SLC6A11: variants seen among roughly 807,000 people sequenced by gnomAD.
SLC6A11 encodes sodium- and chloride-dependent GABA transporter 3.
Under a neutral mutation model 74.8 loss-of-function variants are expected in SLC6A11, and 25 were observed. The ratio of observed to expected loss-of-function variants is 0.33; its 90% CI spans 0.24 to 0.47. The LOEUF is 0.47. Among genes scored for constraint, SLC6A11 ranks in the 20% least tolerant of loss-of-function variants. The pLI, the probability that SLC6A11 is intolerant of heterozygous loss-of-function variation, is 1.00. For missense variants in SLC6A11, 574 were observed against 837.0 expected (o/e 0.69, Z 3.88); for synonymous variants, 330 against 330.2 (o/e 1.00, Z 0.01).
rs1362399070 is a variant in SLC6A11, at chr3:10,908,328, G to A, written c.892-3762G>A. On this transcript the variant is annotated intron_variant, in intron 6 of 13. Transcript: ENST00000254488. ...TGGGTAGGGAGGGAAGACAAATGGAGGCTGTAGCTAATTTCAGTATTCCTC... is the reference window on the plus strand; with the variant it reads ...TGGGTAGGGAGGGAAGACAAATGGAAGCTGTAGCTAATTTCAGTATTCCTC... Among the ~76,000 whole-genome samples the A allele has an allele frequency of 2.0e-5, 3 of 152,200 alleles. No individual in the cohort carries two copies. In the East Asian group the frequency reaches 5.8e-4, roughly 29 times the overall value.
chr3:10,933,605 C>A (rs763413778), intron 11 of SLC6A11, among the ~76,000 whole-genome samples: 1 of 152,238 alleles, frequency 6.6e-6, no homozygotes, highest in Non-Finnish European at 1.5e-5. Context: ...CATAGACAAC[C>A]ACCTCAGGTC....
At chr3:10,818,127 A>AT (rs1443740781) in intron 1 of SLC6A11, among the ~76,000 whole-genome samples, 263 of 138,814 alleles carry the variant, frequency 1.9e-3, no homozygotes, top group African/African-American at 5.2e-3. Flanking sequence ...TAAATGAGTC[A>AT]TTTTTTTTTT....
At chr3:10,904,990 T>C (rs1295556274) in intron 6 of SLC6A11, among the ~76,000 whole-genome samples, 1 of 152,234 alleles carries the variant, frequency 6.6e-6, no homozygotes, top group Non-Finnish European at 1.5e-5. Flanking sequence ...CTCAAGGTTT[T>C]CACTTCTTAA....
Position 10,819,866 on chromosome 3 carries a change from G to T in SLC6A11, c.532+14G>T, listed in dbSNP as rs764973556. ...AGTGGAACACAGGTATGGCCCCACG[G>T]AGGTCTCTCTGCTGGTCCTGCTGGG... is the stretch of plus-strand genomic sequence containing the variant. On this transcript the variant is annotated intron_variant, in intron 3 of 13. Coordinates refer to ENST00000254488, the MANE Select transcript of SLC6A11 (RefSeq NM_014229.3). The T allele has an allele frequency of 6.2e-7, 1 of 1,612,866 alleles. No homozygotes were observed. The highest frequency in any genetic ancestry group is 2.2e-5 in the East Asian group (1 of 44,880).
intron 1 of SLC6A11, among the ~76,000 whole-genome samples, chr3:10,817,552 A>G (rs1260286507): frequency 3.9e-5 from 6 of 152,174 alleles, no homozygotes; most frequent in Non-Finnish European, 2.9e-5. Context: ...CTGTATCTGT[A>G]TATTCTCTCT....
chr3:10,858,411 T>A (rs1694663525), intron 5 of SLC6A11, among the ~76,000 whole-genome samples: 1 of 152,132 alleles, frequency 6.6e-6, no homozygotes, highest in African/African-American at 2.4e-5. Context: ...CAGGAGAGTT[T>A]TTTTGCTGTG....
chr3:10,836,971 A>G (rs1049037229), intron 4 of SLC6A11, among the ~76,000 whole-genome samples: 2 of 152,246 alleles, frequency 1.3e-5, no homozygotes, highest in Non-Finnish European at 2.9e-5. Flanking sequence ...GCCTTGCGAG[A>G]CTGAAGGAAT....
At chr3:10,897,726 G>A (rs539530097) in intron 6 of SLC6A11, among the ~76,000 whole-genome samples, 7 of 152,192 alleles carry the variant, frequency 4.6e-5, no homozygotes, top group Non-Finnish European at 1.0e-4. Context: ...GGTGCAAACT[G>A]TCAGTGTATC....
intron 6 of SLC6A11, among the ~76,000 whole-genome samples, chr3:10,894,567 T>G (rs1695148015): frequency 6.6e-6 from 1 of 152,216 alleles, no homozygotes; most frequent in African/African-American, 2.4e-5. Flanking sequence ...GTGATCTCAC[T>G]TATCCTGTAT....
At chr3:10,929,674 T>C (rs1695658679) in intron 10 of SLC6A11, among the ~76,000 whole-genome samples, 1 of 152,212 alleles carries the variant, frequency 6.6e-6, no homozygotes, top group East Asian at 1.9e-4. Context: ...AGCAACAACG[T>C]CAGCTACTGG....
intron 4 of SLC6A11, among the ~76,000 whole-genome samples, chr3:10,843,884 C>T (rs145341195): frequency 2.6e-5 from 4 of 152,300 alleles, no homozygotes; most frequent in Admixed American, 2.6e-4. Context: ...CAGGGAGGAA[C>T]ATAGGATGTT....
chr3:10,933,344 TGGC>T (rs1695716293), intron 11 of SLC6A11, 91 bp downstream of exon 11: 1 of 861,388 alleles, frequency 1.2e-6, no homozygotes, highest in Admixed American at 1.8e-5. Context: ...TGGTTCTCTG[TGGC>T]TTATCTTGGT....
chr3:10,823,168 C>T, intron 3 of SLC6A11, 134 bp from the exon 4 acceptor site: 1 of 654,632 alleles, frequency 1.5e-6, no homozygotes, highest in Non-Finnish European at 2.8e-6. Flanking sequence ...ATTTTCCCCA[C>T]TGCCCTTTGA....
chr3:10,907,357 C>T (rs1278317131), intron 6 of SLC6A11, among the ~76,000 whole-genome samples: 1 of 151,912 alleles, frequency 6.6e-6, no homozygotes, highest in Admixed American at 6.6e-5. Context: ...CAGAAAAGAA[C>T]AAAGACTTTT....
At chr3:10,914,002 T>G (rs1695422274) in intron 7 of SLC6A11, among the ~76,000 whole-genome samples, 1 of 152,208 alleles carries the variant, frequency 6.6e-6, no homozygotes, top group Non-Finnish European at 1.5e-5. Context: ...CAACACACTC[T>G]TAAAATATTG....
intron 5 of SLC6A11, among the ~76,000 whole-genome samples, chr3:10,846,832 C>T (rs1389261393): frequency 6.6e-6 from 1 of 152,168 alleles, no homozygotes; most frequent in Non-Finnish European, 1.5e-5. Flanking sequence ...GGCAGCCTGG[C>T]CATAGTTGCA....
chr3:10,905,285 C>G (rs1695288618), intron 6 of SLC6A11, among the ~76,000 whole-genome samples: 1 of 152,202 alleles, frequency 6.6e-6, no homozygotes, highest in South Asian at 2.1e-4. Flanking sequence ...AACCAAGTCA[C>G]TTGGGTGTGG....
intron 10 of SLC6A11, among the ~76,000 whole-genome samples, chr3:10,932,311 C>G (rs1695698782): frequency 6.6e-6 from 1 of 152,108 alleles, no homozygotes. Context: ...GACCACATAC[C>G]TCCTGCGTGC....
At chr3:10,935,892 C>A (rs1474412084) in intron 13 of SLC6A11, among the ~76,000 whole-genome samples, 12 of 152,208 alleles carry the variant, frequency 7.9e-5, no homozygotes. Context: ...AGTCCTCATG[C>A]CCATTCATTG....
Sources: gnomAD v4.1 joint callset for allele counts (sites outside exome capture counted in the v4.1 genomes callset) on GRCh38, gnomAD v4.1.1 for gene constraint, MANE v1.5 for transcripts, NCBI Gene and HGNC (gene_info 2026-07-23, HGNC 2026-07-21) for gene names.